IQCH: variants seen among roughly 807,000 people sequenced by gnomAD.
IQCH encodes IQ motif containing H.
A neutral mutation model predicts 117.0 loss-of-function variants in IQCH; 98 were observed. That is an observed-to-expected ratio of 0.84 (90% confidence interval 0.71 to 0.99). The LOEUF (loss-of-function observed/expected upper bound fraction) is 0.99. Ranked by LOEUF, IQCH falls within the 50% of genes least tolerant of loss-of-function variation. The pLI is 0.00. For missense variants in IQCH, 1,102 were observed against 1,243.8 expected (o/e 0.89, Z 1.72); for synonymous variants, 412 against 448.2 (o/e 0.92, Z 1.02).
intron 20 of IQCH, among the ~76,000 whole-genome samples, chr15:67,497,405 A>G (rs1218077577): frequency 2.6e-5 from 4 of 152,204 alleles, no homozygotes; most frequent in African/African-American, 9.7e-5. Context: ...TACAAAAGAC[A>G]ATTATATTTG....
chr15:67,372,725 TTGTAATA>T, intron 9 of IQCH, 63 bp downstream of exon 9: 1 of 1,368,516 alleles, frequency 7.3e-7, no homozygotes, highest in Non-Finnish European at 1.0e-6. Flanking sequence ...GCTTGAGCGG[TTGTAATA>T]AGTTGTCTCT....
At chr15:67,482,999 C>T (rs1216786489) in intron 18 of IQCH, among the ~76,000 whole-genome samples, 4 of 152,100 alleles carry the variant, frequency 2.6e-5, no homozygotes, top group Non-Finnish European at 4.4e-5. Context: ...GAAAAAACAG[C>T]TTTGTGTAAG....
chr15:67,294,118 C>A (rs1326679591), intron 4 of IQCH, among the ~76,000 whole-genome samples: 1 of 152,104 alleles, frequency 6.6e-6, no homozygotes, highest in East Asian at 1.9e-4. Flanking sequence ...TCTTGAAAAT[C>A]TTTTTCAAGC....
chr15:67,318,965 G>T (rs181330256), intron 4 of IQCH, among the ~76,000 whole-genome samples: 1 of 152,302 alleles, frequency 6.6e-6, no homozygotes, highest in South Asian at 2.1e-4. Flanking sequence ...GGAGGCTCAC[G>T]CCTGTAATCC....
At position 67,491,068 on chromosome 15, in the gene IQCH, G is replaced by A. The variant is rs760065262; in HGVS notation, c.2861+1004G>A. Among the ~76,000 whole-genome samples, 4 of 152,154 alleles carry A rather than the reference G, an allele frequency of 2.6e-5. No homozygotes were observed. Among genetic ancestry groups the A allele is most frequent in the Non-Finnish European group, 5.9e-5 (4 of 68,026 alleles). On this transcript the variant is annotated intron_variant, in intron 19 of 20. Coordinates refer to ENST00000335894, the MANE Select transcript of IQCH (RefSeq NM_001031715.3). The surrounding 1 kb of genome is among the most constrained non-coding windows in gnomAD (Gnocchi z 4.9). ...TCCTTGTAACCTCTACAGCAGTGTA[G>A]ACATTGTGGCCTCACACTGAAACAC... is the stretch of plus-strand genomic sequence containing the variant.
intron 5 of IQCH, among the ~76,000 whole-genome samples, chr15:67,340,426 C>CAAAAAAAAAAAAAAAAAA (rs57244130): frequency 1.4e-4 from 9 of 62,658 alleles, no homozygotes; most frequent in African/African-American, 2.6e-4. Context: ...TACTCCATCT[C>CAAAAAAAAAAAAAAAAAA]AAAAAAAAAA....
rs2081502639 is a variant in IQCH, at chr15:67,413,537, T to G, written c.2098-3394T>G. Reference sequence around the variant, plus strand: ...TGAGCTGCAGGTCCTGCTGTATTTTTTTGGTTTGTTTTGTAGGGATAGGAA... The same window carrying G: ...TGAGCTGCAGGTCCTGCTGTATTTTGTTGGTTTGTTTTGTAGGGATAGGAA... On this transcript the variant is annotated intron_variant, in intron 14 of 20. Transcript: ENST00000335894. This position sits in a 1 kb window ranked among gnomAD's most constrained non-coding sequence, Gnocchi z 5.0. 6.6e-6 allele frequency: 1 copy of G among 152,190 alleles called. No homozygotes were observed. Among genetic ancestry groups the G allele is most frequent in the Non-Finnish European group, 1.5e-5 (1 of 68,030 alleles). 9.4% of individuals were successfully genotyped at this position (152,190 alleles called of 1,614,324 possible).
intron 4 of IQCH, among the ~76,000 whole-genome samples, chr15:67,281,048 C>T (rs1966334534): frequency 6.6e-6 from 1 of 152,074 alleles, no homozygotes; most frequent in African/African-American, 2.4e-5. Context: ...GTTTCACCAT[C>T]TTGGCCGGGC....
rs1443800215 is a variant in IQCH at position 67,426,984 on chromosome 15, A to G, written c.2505+5407A>G. On this transcript the variant is annotated intron_variant, in intron 16 of 20. Transcript: ENST00000335894. This position sits in a 1 kb window ranked among gnomAD's most constrained non-coding sequence, Gnocchi z 5.1. ...CTGGGCAACAGAGACCCAGTATCCA[A>G]AAAAAAAAAAGAAGAAGAAAATCCC... 6.7e-6 allele frequency among the ~76,000 whole-genome samples: 1 copy of G among 148,286 alleles called. No homozygotes were observed. The highest frequency in any genetic ancestry group is 1.5e-5 in the Non-Finnish European group (1 of 66,662).
At chr15:67,497,966 T>C (rs2083869171) in intron 20 of IQCH, among the ~76,000 whole-genome samples, 1 of 152,198 alleles carries the variant, frequency 6.6e-6, no homozygotes. Flanking sequence ...GTAATTCTTA[T>C]CAGAATCCCA....
At position 67,342,207 on chromosome 15, in the gene IQCH, C is replaced by A. The variant is rs1044010195; in HGVS notation, c.509-1856C>A. Reference sequence around the variant, plus strand: ...ACTTTAGCCCAGGTATTCAAGGGTGCAGTGAGCTATGATGGTGCCACTGCA... The same window carrying A: ...ACTTTAGCCCAGGTATTCAAGGGTGAAGTGAGCTATGATGGTGCCACTGCA... On this transcript the variant is annotated intron_variant, in intron 5 of 20. Coordinates refer to ENST00000335894, the MANE Select transcript of IQCH (RefSeq NM_001031715.3). The surrounding 1 kb of genome is among the most constrained non-coding windows in gnomAD (Gnocchi z 4.7). Among the ~76,000 whole-genome samples, 10 of 152,078 alleles carry A rather than the reference C, an allele frequency of 6.6e-5. No homozygotes were observed. Among genetic ancestry groups the A allele is most frequent in the Middle Eastern group, 3.4e-3 (1 of 292 alleles).
intron 12 of IQCH, among the ~76,000 whole-genome samples, chr15:67,394,955 C>A (rs961199918): frequency 2.4e-4 from 36 of 152,100 alleles, no homozygotes; most frequent in Non-Finnish European, 4.4e-5. Context: ...TAATGTTAAA[C>A]CATGCCAGAA....
intron 3 of IQCH, among the ~76,000 whole-genome samples, chr15:67,275,596 G>T (rs779273716): frequency 2.0e-5 from 3 of 152,016 alleles, no homozygotes; most frequent in African/African-American, 4.8e-5. Flanking sequence ...TATTATTTTT[G>T]GCCAAATGTG....
At chr15:67,314,748 G>C (rs116128335) in intron 4 of IQCH, among the ~76,000 whole-genome samples, 1,592 of 152,308 alleles carry the variant, frequency 0.01, 26 homozygotes, top group African/African-American at 0.037. Context: ...CTTAGCTCTA[G>C]CCTTTTGTGG....
chr15:67,254,995 TC>T, intron 1 of IQCH, 48 bp downstream of exon 1: 1 of 1,574,442 alleles, frequency 6.4e-7, no homozygotes, highest in African/African-American at 1.4e-5. Context: ...CCGCGCCACT[TC>T]CGAGCGAGGT....
intron 17 of IQCH, among the ~76,000 whole-genome samples, chr15:67,471,741 C>G (rs1187852664): frequency 6.6e-6 from 1 of 152,202 alleles, no homozygotes; most frequent in East Asian, 1.9e-4. Context: ...TCTTTACATT[C>G]TCATCTAATC....
Position 67,411,049 on chromosome 15 carries a change from C to A in IQCH, c.2098-5882C>A, listed in dbSNP as rs537792338. Among the ~76,000 whole-genome samples, 13 of 152,250 alleles carry A rather than the reference C, an allele frequency of 8.5e-5. No homozygotes were observed. The East Asian group carries it at 2.5e-3, about 29-fold the overall frequency. On this transcript the variant is annotated intron_variant, in intron 14 of 20. Transcript: ENST00000335894. This position sits in a 1 kb window ranked among gnomAD's most constrained non-coding sequence, Gnocchi z 4.4. ...CCACCCCACCCCTGCACATGCCTAC[C>A]ATATGGTGAGCTTTTAATTATTAAA...
intron 4 of IQCH, among the ~76,000 whole-genome samples, chr15:67,300,390 T>C (rs1344663576): frequency 2.0e-5 from 3 of 152,188 alleles, no homozygotes; most frequent in Non-Finnish European, 2.9e-5. Flanking sequence ...TAAGGGTTAC[T>C]ACCCAGTTTT....
At chr15:67,477,001 A>G (rs758263900) in intron 18 of IQCH, among the ~76,000 whole-genome samples, 4 of 144,724 alleles carry the variant, frequency 2.8e-5, no homozygotes, top group Non-Finnish European at 4.5e-5. Context: ...GACCAGTACA[A>G]TTTTCAAGGA....
Sources: gnomAD v4.1 joint callset for allele counts (sites outside exome capture counted in the v4.1 genomes callset) on GRCh38, gnomAD v4.1.1 for gene constraint, Gnocchi (gnomAD v3.1) non-coding constraint, MANE v1.5 for transcripts, NCBI Gene and HGNC (gene_info 2026-07-23, HGNC 2026-07-21) for gene names.